The following TRPM5 variants were observed in gnomAD, a reference collection of about 807,000 sequenced individuals.
The protein encoded by TRPM5 is MLSN1 and TRP-related.
In TRPM5, 121 loss-of-function variants were observed where a neutral mutation model predicts 124.9. That is an observed-to-expected ratio of 0.97 (90% CI 0.84 to 1.13). The LOEUF (loss-of-function observed/expected upper bound fraction) is 1.13. Among genes scored for constraint, TRPM5 ranks in the 50% most tolerant of loss-of-function variants. The pLI is 0.00. For synonymous variants in TRPM5, 781 were observed against 700.5 expected (o/e 1.11, Z -1.81); for missense variants, 1,643 against 1,589.1 (o/e 1.03, Z -0.58).
exon 24 of TRPM5, chr11:2,404,848 G>A: frequency 1.8e-6 from 2 of 1,129,756 alleles, no homozygotes; most frequent in South Asian, 1.4e-5. Flanking sequence ...CCCCTGGGGG[G>A]TTCCGCTGGA....
intron 11 of TRPM5, 108 bp from the exon 17 acceptor site, chr11:2,414,314 G>A (rs1850520746): frequency 6.9e-7 from 1 of 1,448,412 alleles, no homozygotes; most frequent in Admixed American, 2.2e-5. Context: ...GCCGCACCCT[G>A]CGTTCAACAC....
rs752359703 is a variant in TRPM5, at chr11:2,410,241, C to T, written c.2782+1111G>A. On this transcript the variant is annotated intron_variant, in intron 18 of 23. Transcript: ENST00000155858. ...TGAGCCGCGCTGGGAGAGGCGGTTT[C>T]CATCACGGCGTCGCCCCCGCCTGTC... 2.3e-3 allele frequency among the ~76,000 whole-genome samples: 356 copies of T among 152,292 alleles called. 4 individuals are homozygous for T. The highest frequency in any genetic ancestry group is 2.0e-3 in the Non-Finnish European group (139 of 67,974).
chr11:2,416,940 C>T (rs1366314350), intron 7 of TRPM5, among the ~76,000 whole-genome samples: 1 of 152,214 alleles, frequency 6.6e-6, no homozygotes, highest in Non-Finnish European at 1.5e-5. Context: ...GCATACGCTT[C>T]AACACGGAGG....
chr11:2,434,159 G>A, the TRPM5 span, among the ~76,000 whole-genome samples: 176 of 150,438 alleles, frequency 1.2e-3, no homozygotes, highest in Non-Finnish European at 1.5e-3. Flanking sequence ...TGTGTGTGTA[G>A]GTGTACCATG....
chr11:2,405,328 C>T (rs140808013), intron 23 of TRPM5, among the ~76,000 whole-genome samples, 199 bp downstream of exon 28: 54 of 152,340 alleles, frequency 3.5e-4, no homozygotes, highest in Middle Eastern at 6.8e-3. Context: ...CTGAGTGAAG[C>T]ACATTCGGCC....
At chr11:2,409,676 G>T (rs1335374104) in intron 18 of TRPM5, among the ~76,000 whole-genome samples, 1 of 152,204 alleles carries the variant, frequency 6.6e-6, no homozygotes, top group Admixed American at 6.5e-5. Context: ...GTGAGTGGCT[G>T]GGGTTCAACC....
intron 22 of TRPM5, among the ~76,000 whole-genome samples, 183 bp from the exon 28 acceptor site, chr11:2,405,776 A>AG (rs1333641559): frequency 6.6e-6 from 1 of 152,074 alleles, no homozygotes; most frequent in African/African-American, 2.4e-5. Flanking sequence ...GTGAAAGGCG[A>AG]GGGGTCTTCA....
intron 12 of TRPM5, 52 bp downstream of exon 17, chr11:2,414,009 G>GGGGCCCCCCCCCCCCCCCCCCCCCCCA: frequency 9.8e-7 from 1 of 1,023,734 alleles, no homozygotes; most frequent in Non-Finnish European, 1.4e-6. Flanking sequence ...GGCCCAGCTC[G>GGGGCCCCCCCCCCCCCCCCCCCCCCCA]CCCGCCCACC....
At chr11:2,419,444 C>G (rs981923391) in intron 4 of TRPM5, among the ~76,000 whole-genome samples, 6 of 91,008 alleles carry the variant, frequency 6.6e-5, no homozygotes, top group Non-Finnish European at 1.2e-4. Context: ...CCCGTCTCTA[C>G]TGGGAAAAAA....
the TRPM5 span, among the ~76,000 whole-genome samples, chr11:2,430,551 G>T: frequency 6.6e-6 from 1 of 151,708 alleles, no homozygotes; most frequent in East Asian, 1.9e-4. Flanking sequence ...GATGTTGGTG[G>T]CAGCGGTGAG....
At chr11:2,419,680 GT>G (rs1274233461) in intron 4 of TRPM5, among the ~76,000 whole-genome samples, 1 of 150,990 alleles carries the variant, frequency 6.6e-6, no homozygotes, top group African/African-American at 2.4e-5. Context: ...TTACAATTCT[GT>G]TTCTAAATAT....
chr11:2,422,680 C>T (rs1845789433), intron 1 of TRPM5, among the ~76,000 whole-genome samples: 1 of 151,462 alleles, frequency 6.6e-6, no homozygotes, highest in Non-Finnish European at 1.5e-5. Context: ...TGACCTTGCA[C>T]CTCCAAATCT....
At chr11:2,420,986 G>A (rs1845764574) in intron 3 of TRPM5, 46 bp downstream of exon 8, 1 of 1,498,920 alleles carries the variant, frequency 6.7e-7, no homozygotes, top group East Asian at 2.5e-5. Flanking sequence ...CTGAGCCCCT[G>A]CCTCCAGGCC....
chr11:2,415,609 C>T, intron 8 of TRPM5, 138 bp from the exon 14 acceptor site: 1 of 675,536 alleles, frequency 1.5e-6, no homozygotes, highest in Non-Finnish European at 2.5e-6. Flanking sequence ...TCTCGCTCTC[C>T]TGCACCCCAG....
intron 15 of TRPM5, 85 bp from the exon 21 acceptor site, chr11:2,412,338 A>AGGATCAGGGTTTAGCGTGCCATGG: frequency 9.8e-7 from 1 of 1,018,566 alleles, no homozygotes; most frequent in South Asian, 1.3e-5. Context: ...TGGATCTGTA[A>AGGATCAGGGTTTAGCGTGCCATGG]GGATCAGGGT....
exon 24 of TRPM5, chr11:2,404,979 G>A: frequency 6.2e-7 from 1 of 1,612,750 alleles, no homozygotes; most frequent in Non-Finnish European, 8.5e-7. Flanking sequence ...GTTGTTCCCA[G>A]CCATCTAAAC....
the TRPM5 span, among the ~76,000 whole-genome samples, chr11:2,433,640 C>T: frequency 3.3e-5 from 5 of 152,232 alleles, no homozygotes; most frequent in Non-Finnish European, 7.3e-5. Context: ...CTGAAGGGTG[C>T]GTAAGGCCTG....
rs1306602044 is a variant in TRPM5, at chr11:2,408,020, C to T, written c.2783-108G>A. On this transcript the variant is annotated intron_variant, in intron 18 of 23. Coordinates refer to ENST00000155858, the Ensembl canonical transcript of TRPM5. Reference sequence around the variant, plus strand: ...GAGTCCTGGTGTTGAACCCAGGGGACGGGGTGCTGGTTGGGTGACCCACTG... The same window carrying T: ...GAGTCCTGGTGTTGAACCCAGGGGATGGGGTGCTGGTTGGGTGACCCACTG... The T allele has an allele frequency of 6.3e-6, 9 of 1,425,076 alleles. No homozygotes were observed. The Admixed American group carries it at 9.2e-5, about 14-fold the overall frequency. The allele number at this position is 1,425,076 out of a possible 1,614,324, so 88.3% of individuals were successfully genotyped here.
At chr11:2,421,082 T>G (rs1186022189) in exon 3 of TRPM5, 22 of 1,549,754 alleles carry the variant, frequency 1.4e-5, no homozygotes, top group Non-Finnish European at 1.9e-5. Context: ...AGCGAGGCCA[T>G]GCCGACAGCA....
Sources: allele counts gnomAD v4.1 joint callset (sites outside exome capture counted in the v4.1 genomes callset), GRCh38; gene constraint gnomAD v4.1.1; transcripts MANE v1.5; gene names NCBI Gene and HGNC (gene_info 2026-07-23, HGNC 2026-07-21).